MAP4: variants seen among roughly 807,000 people sequenced by gnomAD.
The protein encoded by MAP4 is microtubule associated protein 4.
Under a neutral mutation model 170.2 loss-of-function variants are expected in MAP4, and 76 were observed. That is an observed-to-expected ratio of 0.45 (90% CI 0.37 to 0.54). The LOEUF (loss-of-function observed/expected upper bound fraction) is 0.54. MAP4 is among the 20% of genes least tolerant of loss of function. The pLI, the probability that MAP4 is intolerant of heterozygous loss-of-function variation, is 0.00. For missense variants in MAP4, 2,506 were observed against 2,748.0 expected, an observed-to-expected ratio of 0.91 and a Z score of 1.97; for synonymous variants, 909 against 994.5, an observed-to-expected ratio of 0.91 and a Z score of 1.62.
intron 9 of MAP4, among the ~76,000 whole-genome samples, chr3:47,905,525 T>C (rs1319778774): frequency 7.4e-6 from 1 of 135,536 alleles, no homozygotes; most frequent in Non-Finnish European, 1.6e-5. Context: ...AAACAAAACA[T>C]ACCAAAACAA....
chr3:48,067,526 T>TTGTAAGA (rs2100138916), intron 1 of MAP4, among the ~76,000 whole-genome samples: 3 of 152,190 alleles, frequency 2.0e-5, no homozygotes, highest in African/African-American at 7.2e-5. Context: ...GACAGGGGTT[T>TTGTAAGA]CACTTTCTTA....
chr3:48,059,398 C>A (rs2100133942), intron 1 of MAP4, among the ~76,000 whole-genome samples: 1 of 151,014 alleles, frequency 6.6e-6, no homozygotes, highest in African/African-American at 2.4e-5. Context: ...GCCTGTAGTC[C>A]CAGCTACCTG....
intron 1 of MAP4, among the ~76,000 whole-genome samples, chr3:48,041,007 T>C (rs777583993): frequency 2.6e-5 from 4 of 151,488 alleles, no homozygotes; most frequent in African/African-American, 9.7e-5. Context: ...GCCAATAAAA[T>C]TGTATTTTAA....
chr3:47,895,420 G>C (rs570555658), intron 10 of MAP4, among the ~76,000 whole-genome samples: 1 of 152,322 alleles, frequency 6.6e-6, no homozygotes. Context: ...GCTATGTCCA[G>C]CTCAAAGTAT....
At chr3:48,058,843 T>G (rs2100133635) in intron 1 of MAP4, among the ~76,000 whole-genome samples, 1 of 152,144 alleles carries the variant, frequency 6.6e-6, no homozygotes, top group Admixed American at 6.5e-5. Flanking sequence ...GCAATGGCAC[T>G]ATCTCGGCTC....
intron 5 of MAP4, 132 bp from the exon 6 acceptor site, chr3:47,918,973 C>T (rs1277999616): frequency 2.3e-5 from 15 of 643,682 alleles, no homozygotes; most frequent in African/African-American, 1.1e-4. Context: ...CTGTTGCCCA[C>T]GCAGACAGAG....
intron 3 of MAP4, among the ~76,000 whole-genome samples, chr3:47,953,223 C>CA (rs551114527): frequency 1.3e-3 from 197 of 150,164 alleles, no homozygotes; most frequent in South Asian, 2.1e-3. Flanking sequence ...TAAAAACTTA[C>CA]AAAAAAAAAC....
chr3:47,973,865 C>A (rs935527595), intron 3 of MAP4: 2 of 985,198 alleles, frequency 2.0e-6, no homozygotes, highest in African/African-American at 1.7e-5. Context: ...ATGGTGTATT[C>A]TCTATGGCAA....
intron 12 of MAP4, among the ~76,000 whole-genome samples, chr3:47,872,900 T>C (rs1312851367): frequency 2.0e-5 from 3 of 152,226 alleles, no homozygotes; most frequent in Non-Finnish European, 4.4e-5. Flanking sequence ...AATCGAGCCA[T>C]TCTTTTGGCT....
intron 5 of MAP4, among the ~76,000 whole-genome samples, chr3:47,921,522 C>CA (rs201439995): frequency 4.2e-4 from 63 of 149,942 alleles, no homozygotes; most frequent in African/African-American, 1.4e-3. Context: ...TCTCACCTCT[C>CA]AAAAAAAAAA....
intron 1 of MAP4, among the ~76,000 whole-genome samples, chr3:48,069,268 A>G (rs2100139853): frequency 6.6e-6 from 1 of 152,104 alleles, no homozygotes; most frequent in Admixed American, 6.6e-5. Flanking sequence ...CACAAAAATT[A>G]TTTTCTGATT....
At chr3:47,883,907 G>A (rs542115676) in intron 10 of MAP4, among the ~76,000 whole-genome samples, 1 of 151,900 alleles carries the variant, frequency 6.6e-6, no homozygotes, top group African/African-American at 2.4e-5. Flanking sequence ...ATATCTCTTT[G>A]CTTTTTTTAC....
chr3:48,034,794 C>T (rs745387696), intron 1 of MAP4, among the ~76,000 whole-genome samples: 4 of 152,040 alleles, frequency 2.6e-5, no homozygotes, highest in Non-Finnish European at 4.4e-5. Context: ...GGGAGGATTG[C>T]TTGAGTCCAG....
intron 3 of MAP4, among the ~76,000 whole-genome samples, chr3:47,943,871 C>T (rs7653368): frequency 0.39 from 58,751 of 151,686 alleles, 12,963 homozygotes; most frequent in African/African-American, 0.59. Context: ...CCTGAGACCA[C>T]AATACAGGCT....
chr3:47,854,224 G>C (rs145786197), intron 19 of MAP4, among the ~76,000 whole-genome samples: 11 of 152,202 alleles, frequency 7.2e-5, no homozygotes, highest in Non-Finnish European at 1.2e-4. Context: ...ACGCTCGCTC[G>C]CTGTGTCCTT....
chr3:47,943,183 C>A (rs1265515786), intron 3 of MAP4, among the ~76,000 whole-genome samples: 20 of 152,136 alleles, frequency 1.3e-4, no homozygotes, highest in African/African-American at 4.6e-4. Flanking sequence ...AGGAGAAAGC[C>A]TACTCCTTTC....
Position 47,862,027 on chromosome 3 carries a change from G to A in MAP4, c.6502-4515C>T, listed in dbSNP as rs550838069. Among the ~76,000 whole-genome samples the A allele has an allele frequency of 5.9e-5, 9 of 151,544 alleles. No individual in the cohort carries two copies. In the South Asian group the frequency reaches 6.3e-4, roughly 11 times the overall value. ...ATACAAAAAATTAGCCGGGCGTGGC[G>A]GCGGGTGCCTGTAGTCCCAGCTACT... On this transcript the variant is annotated intron_variant, in intron 17 of 20. Coordinates refer to ENST00000683076, the MANE Select transcript of MAP4 (RefSeq NM_001385682.1).
At chr3:48,074,287 G>A (rs1431326162) in intron 1 of MAP4, among the ~76,000 whole-genome samples, 8 of 120,342 alleles carry the variant, frequency 6.6e-5, no homozygotes, top group African/African-American at 1.3e-4. Flanking sequence ...GGTGGGGAAC[G>A]TCACACACTA....
At chr3:47,880,212 G>A (rs2096444166) in intron 10 of MAP4, among the ~76,000 whole-genome samples, 1 of 150,000 alleles carries the variant, frequency 6.7e-6, no homozygotes, top group African/African-American at 2.5e-5. Flanking sequence ...TCCTGCCTCA[G>A]CCTCCCAAGT....
Sources: allele counts gnomAD v4.1 joint callset (sites outside exome capture counted in the v4.1 genomes callset), GRCh38; gene constraint gnomAD v4.1.1; transcripts MANE v1.5; gene names NCBI Gene and HGNC (gene_info 2026-07-23, HGNC 2026-07-21).